PRKCI: variants seen among roughly 807,000 people sequenced by gnomAD.
PRKCI encodes protein kinase C iota, also known as protein kinase C iota type.
In PRKCI, 43 loss-of-function variants were observed where a neutral mutation model predicts 84.0. That is an observed-to-expected ratio of 0.51 (90% confidence interval 0.40 to 0.66). The LOEUF is 0.66. Among genes scored for constraint, PRKCI ranks in the 30% least tolerant of loss-of-function variants. PRKCI has a pLI of 0.00. For synonymous variants in PRKCI, 216 were observed against 234.4 expected (o/e 0.92, Z 0.72); for missense variants, 459 against 745.6 (o/e 0.62, Z 4.48).
chr3:170,258,083 CA>C (rs1733633488), intron 2 of PRKCI, among the ~76,000 whole-genome samples: 1 of 151,692 alleles, frequency 6.6e-6, no homozygotes, highest in African/African-American at 2.4e-5. Flanking sequence ...AGTAGGGATG[CA>C]GTGGTCAAGT....
At chr3:170,248,544 T>G (rs1026073993) in intron 2 of PRKCI, among the ~76,000 whole-genome samples, 1 of 152,112 alleles carries the variant, frequency 6.6e-6, no homozygotes, top group African/African-American at 2.4e-5. Flanking sequence ...TCATGATGAC[T>G]GCATGGAATG....
chr3:170,246,111 C>T (rs1733278063), intron 2 of PRKCI, among the ~76,000 whole-genome samples: 1 of 151,604 alleles, frequency 6.6e-6, no homozygotes, highest in South Asian at 2.1e-4. Context: ...CTCCACCACG[C>T]CCAGCTAATT....
chr3:170,235,957 T>A (rs565265596), intron 2 of PRKCI, among the ~76,000 whole-genome samples: 3 of 151,990 alleles, frequency 2.0e-5, no homozygotes, highest in Non-Finnish European at 2.9e-5. Context: ...AAATTTTTTT[T>A]TTTTATTTTT....
At chr3:170,301,091 A>C (rs897961709) in intron 17 of PRKCI, among the ~76,000 whole-genome samples, 1 of 152,222 alleles carries the variant, frequency 6.6e-6, no homozygotes, top group African/African-American at 2.4e-5. Flanking sequence ...GTTATGGTAA[A>C]TACTAGACAT....
At chr3:170,257,486 A>G (rs1336270340) in intron 2 of PRKCI, among the ~76,000 whole-genome samples, 4 of 152,150 alleles carry the variant, frequency 2.6e-5, no homozygotes, top group Non-Finnish European at 5.9e-5. Flanking sequence ...TTTCATTATA[A>G]AAGATTACAA....
intron 2 of PRKCI, among the ~76,000 whole-genome samples, chr3:170,244,587 T>C (rs1733221907): frequency 6.6e-6 from 1 of 152,138 alleles, no homozygotes; most frequent in South Asian, 2.1e-4. Flanking sequence ...AGGAGGGGGT[T>C]GTGGGTGTAG....
At chr3:170,234,969 G>A (rs961219582) in intron 1 of PRKCI, among the ~76,000 whole-genome samples, 8 of 151,394 alleles carry the variant, frequency 5.3e-5, no homozygotes, top group African/African-American at 1.9e-4. Flanking sequence ...TAGTAGAGAC[G>A]GGGTTTCACC....
At chr3:170,225,124 TTG>T (rs1248537857) in intron 1 of PRKCI, among the ~76,000 whole-genome samples, 3 of 152,224 alleles carry the variant, frequency 2.0e-5, no homozygotes, top group Non-Finnish European at 4.4e-5. Flanking sequence ...CAAGGTAACA[TTG>T]TCTTTTAAAA....
At position 170,301,931 on chromosome 3, in the gene PRKCI, C is replaced by T. The variant is rs139690181; in HGVS notation, c.1704-1109C>T. On this transcript the variant is annotated intron_variant, in intron 17 of 17. Coordinates refer to ENST00000295797, the MANE Select transcript of PRKCI (RefSeq NM_002740.6). ...CATCTGCTCCAGCCTGACTTTCTAG[C>T]GATACCTCTCACCATAATACAAACA... Among the ~76,000 whole-genome samples the T allele has an allele frequency of 4.3e-3, 655 of 152,306 alleles. 4 individuals carry two copies. The highest frequency in any genetic ancestry group is 7.4e-3 in the Non-Finnish European group (504 of 68,024).
At chr3:170,236,107 A>T (rs373678246) in intron 2 of PRKCI, among the ~76,000 whole-genome samples, 13 of 145,866 alleles carry the variant, frequency 8.9e-5, no homozygotes, top group Admixed American at 7.6e-4. Flanking sequence ...TTTAATTTAA[A>T]TTTTTTTTTT....
chr3:170,234,624 C>G (rs1462159447), intron 1 of PRKCI, among the ~76,000 whole-genome samples: 1 of 152,130 alleles, frequency 6.6e-6, no homozygotes, highest in Non-Finnish European at 1.5e-5. Flanking sequence ...AATACATTCT[C>G]TCAACCCTAT....
At chr3:170,288,203 G>A (rs950149945) in intron 12 of PRKCI, among the ~76,000 whole-genome samples, 27 of 151,178 alleles carry the variant, frequency 1.8e-4, no homozygotes, top group African/African-American at 4.9e-4. Context: ...CCGAGATCGC[G>A]CCACTGCATT....
chr3:170,262,588 C>T (rs1308687145), intron 3 of PRKCI, among the ~76,000 whole-genome samples: 2 of 152,086 alleles, frequency 1.3e-5, no homozygotes, highest in Non-Finnish European at 2.9e-5. Flanking sequence ...TCAAGTGATT[C>T]CCGGGCCTCA....
chr3:170,294,875 A>AT (rs972812431), intron 14 of PRKCI, among the ~76,000 whole-genome samples: 1 of 151,920 alleles, frequency 6.6e-6, no homozygotes, highest in South Asian at 2.1e-4. Flanking sequence ...GTAATATCTT[A>AT]TTTTTTTTCC....
At position 170,256,574 on chromosome 3, in the gene PRKCI, C is replaced by T. The variant is rs564450412; in HGVS notation, c.224-3395C>T. ...GGTCTTGTATCTTTTATTTTTAGTC[C>T]GGTTAAAGGTTTGTTGATACTATTT... On this transcript the variant is annotated intron_variant, in intron 2 of 17. Coordinates refer to ENST00000295797, the MANE Select transcript of PRKCI (RefSeq NM_002740.6). Among the ~76,000 whole-genome samples, 11 of 151,874 alleles carry T rather than the reference C, an allele frequency of 7.2e-5. No homozygotes were observed. In the East Asian group the frequency reaches 1.2e-3, roughly 16 times the overall value.
chr3:170,272,856 G>A (rs1399389056), intron 6 of PRKCI, among the ~76,000 whole-genome samples: 1 of 152,072 alleles, frequency 6.6e-6, no homozygotes. Flanking sequence ...GAATCTTCAG[G>A]AAAATGGGAA....
chr3:170,292,096 T>C (rs1045286141), intron 13 of PRKCI, among the ~76,000 whole-genome samples, 155 bp downstream of exon 13: 3 of 152,160 alleles, frequency 2.0e-5, no homozygotes, highest in Middle Eastern at 3.2e-3. Context: ...AGTCCCAGAC[T>C]TTGAAATCGA....
intron 8 of PRKCI, among the ~76,000 whole-genome samples, chr3:170,276,612 C>G (rs949496470): frequency 6.6e-6 from 1 of 151,942 alleles, no homozygotes; most frequent in Non-Finnish European, 1.5e-5. Context: ...CCACTGGACC[C>G]TCATCACAAT....
intron 2 of PRKCI, among the ~76,000 whole-genome samples, chr3:170,245,961 T>TG (rs201890085): frequency 6.8e-6 from 1 of 147,646 alleles, no homozygotes; most frequent in African/African-American, 2.5e-5. Flanking sequence ...TTTTTTTTTT[T>TG]TTTTTTTTTC....
Sources: gnomAD v4.1 joint callset for allele counts (sites outside exome capture counted in the v4.1 genomes callset) on GRCh38, gnomAD v4.1.1 for gene constraint, MANE v1.5 for transcripts, NCBI Gene and HGNC (gene_info 2026-07-23, HGNC 2026-07-21) for gene names.